BAG2: variants seen among roughly 807,000 people sequenced by gnomAD.
BAG2 encodes the protein BAG cochaperone 2, also known as BAG family molecular chaperone regulator 2.
BAG2 carries 8 observed loss-of-function variants against 16.4 expected under a neutral mutation model. That is an observed-to-expected ratio of 0.49 (90% confidence interval 0.29 to 0.88). The LOEUF (loss-of-function observed/expected upper bound fraction) is 0.88, where lower values mean the gene tolerates loss of function less well. BAG2 is among the 40% of genes least tolerant of loss of function. The probability of loss-of-function intolerance (pLI) is 0.09; values close to 1 mark genes in which losing one functional copy is unlikely to be tolerated. For missense variants in BAG2, 218 were observed against 248.9 expected (o/e 0.88, Z 0.84); for synonymous variants, 82 against 89.2 (o/e 0.92, Z 0.46).
chr6:57,184,985 G>A lies in BAG2; in HGVS notation c.*795G>A, dbSNP rs1764582896. 1 of 151,912 alleles carries A rather than the reference G, an allele frequency of 6.6e-6. No homozygotes were observed. The highest frequency in any genetic ancestry group is 1.5e-5 in the Non-Finnish European group (1 of 67,982). 9.4% of individuals were successfully genotyped at this position (151,912 alleles called of 1,614,324 possible). ...TATCTTTATCCATTCCTCTTTTATG[G>A]ACATTTAGGTTGTTTCCAACTTGTT... On this transcript the variant is annotated 3_prime_UTR_variant, in exon 3 of 3. Transcript: ENST00000370693.
rs1764759400 is a variant in BAG2 at position 57,189,687 on chromosome 6, TA to T, written c.*5498del. 1 of 152,648 alleles carries T rather than the reference TA, an allele frequency of 6.6e-6. No homozygotes were observed. Among genetic ancestry groups the T allele is most frequent in the Admixed American group, 6.5e-5 (1 of 15,272 alleles). The allele number at this position is 152,648 out of a possible 1,614,324, so 9.5% of individuals were successfully genotyped here. A position where few individuals can be genotyped will look rare whatever the true frequency, so the allele number is the denominator to read the frequency against. ...AAAACTGCTTACTGCTTTTAAAAGA[TA>T]TAATAAACAATATAAATTCTGATAG... On this transcript the variant is annotated 3_prime_UTR_variant, in exon 3 of 3. Coordinates refer to ENST00000370693, the MANE Select transcript of BAG2 (RefSeq NM_004282.4).
intron 1 of BAG2, 150 bp from the exon 2 acceptor site, chr6:57,181,882 G>C (rs1052708447): frequency 3.1e-6 from 2 of 639,398 alleles, no homozygotes; most frequent in Non-Finnish European, 5.3e-6. Context: ...CAAGTGTATA[G>C]AAAAATGAAA....
At position 57,186,678 on chromosome 6, in the gene BAG2, T is replaced by C. The variant is rs562491626; in HGVS notation, c.*2488T>C. The C allele has an allele frequency of 1.3e-5, 2 of 152,320 alleles. No individual in the cohort carries two copies. Among genetic ancestry groups the C allele is most frequent in the African/African-American group, 4.8e-5 (2 of 41,578 alleles). The allele number at this position is 152,320 out of a possible 1,614,324, so 9.4% of individuals were successfully genotyped here. On this transcript the variant is annotated 3_prime_UTR_variant, in exon 3 of 3. Transcript: ENST00000370693. ...AATGGGAGTATAATTTATTTTCAAA[T>C]GATGATGAATCTCCTGAGTCACATT...
At chr6:57,173,641 A>G (rs914352536) in intron 1 of BAG2, 2 of 551,546 alleles carry the variant, frequency 3.6e-6, no homozygotes, top group African/African-American at 4.1e-5. Context: ...TTAACGGTGT[A>G]TTGAAAAGTT....
At chr6:57,176,246 T>G (rs1236502288) in intron 1 of BAG2, among the ~76,000 whole-genome samples, 1 of 152,168 alleles carries the variant, frequency 6.6e-6, no homozygotes, top group Non-Finnish European at 1.5e-5. Context: ...CTTAGAAGCT[T>G]AAATGACTTG....
Position 57,185,261 on chromosome 6 carries a change from TA to T in BAG2, c.*1076del, listed in dbSNP as rs1764589709. ...AATACCTAGTTTGCATTTTGTTTAC[TA>T]AAAAGGTTGACCAGTGTGTTGATTC... On this transcript the variant is annotated 3_prime_UTR_variant, in exon 3 of 3. Transcript: ENST00000370693. 1 of 152,234 alleles carries T rather than the reference TA, an allele frequency of 6.6e-6. No homozygotes were observed. Among genetic ancestry groups the T allele is most frequent in the Admixed American group, 6.5e-5 (1 of 15,280 alleles). 9.4% of individuals were successfully genotyped at this position (152,234 alleles called of 1,614,324 possible).
At chr6:57,178,186 CA>C (rs1377389833) in intron 1 of BAG2, among the ~76,000 whole-genome samples, 1 of 152,170 alleles carries the variant, frequency 6.6e-6, no homozygotes, top group Non-Finnish European at 1.5e-5. Context: ...GATGGTCCAA[CA>C]TTTCTCTAAC....
Position 57,189,652 on chromosome 6 carries a change from C to A in BAG2, c.*5462C>A, listed in dbSNP as rs1764757486. ...TTCCTATACTCCTCTTTTATCTACG[C>A]TGTCAGATGAAAACTGCTTACTGCT... On this transcript the variant is annotated 3_prime_UTR_variant, in exon 3 of 3. Coordinates refer to ENST00000370693, the MANE Select transcript of BAG2 (RefSeq NM_004282.4). 6.6e-6 allele frequency: 1 copy of A among 152,564 alleles called. No homozygotes were observed. The highest frequency in any genetic ancestry group is 1.5e-5 in the Non-Finnish European group (1 of 68,050). The allele number at this position is 152,564 out of a possible 1,614,324, so 9.5% of individuals were successfully genotyped here.
At chr6:57,172,901 G>A in intron 1 of BAG2, 91 bp downstream of exon 1, 5 of 1,120,282 alleles carry the variant, frequency 4.5e-6, no homozygotes, top group East Asian at 3.2e-5. Flanking sequence ...GTGGCGGGCC[G>A]GGGCCTGGGG....
Position 57,186,049 on chromosome 6 carries a change from C to T in BAG2, c.*1859C>T, listed in dbSNP as rs566327257. 1 of 152,248 alleles carries T rather than the reference C, an allele frequency of 6.6e-6. No individual in the cohort carries two copies. Among genetic ancestry groups the T allele is most frequent in the East Asian group, 1.9e-4 (1 of 5,172 alleles). The allele number at this position is 152,248 out of a possible 1,614,324, so 9.4% of individuals were successfully genotyped here. A position where few individuals can be genotyped will look rare whatever the true frequency, so the allele number is the denominator to read the frequency against. ...GCTTGGGGTCCCTGGTTTACAGTGTCTCCAGCATTCTGTACCTAGAGCCAC... is the reference window on the plus strand; with the variant it reads ...GCTTGGGGTCCCTGGTTTACAGTGTTTCCAGCATTCTGTACCTAGAGCCAC... On this transcript the variant is annotated 3_prime_UTR_variant, in exon 3 of 3. Coordinates refer to ENST00000370693, the MANE Select transcript of BAG2 (RefSeq NM_004282.4).
At chr6:57,174,029 G>C (rs564351587) in intron 1 of BAG2, 1 of 206,530 alleles carries the variant, frequency 4.8e-6, no homozygotes, top group South Asian at 1.2e-4. Flanking sequence ...CCTACACCAG[G>C]TTCTGGGGTT....
chr6:57,180,900 T>C (rs1764419995), intron 1 of BAG2, among the ~76,000 whole-genome samples: 1 of 152,124 alleles, frequency 6.6e-6, no homozygotes, highest in African/African-American at 2.4e-5. Context: ...CTCTTGAGTA[T>C]ACAAATCAAC....
intron 1 of BAG2, among the ~76,000 whole-genome samples, chr6:57,175,827 ATAAG>A (rs1037650045): frequency 2.6e-5 from 4 of 152,188 alleles, no homozygotes; most frequent in Non-Finnish European, 4.4e-5. Flanking sequence ...ATCCGTAAAT[ATAAG>A]TAAGTGTTTC....
chr6:57,175,742 T>G (rs1379424285), intron 1 of BAG2, among the ~76,000 whole-genome samples: 1 of 152,186 alleles, frequency 6.6e-6, no homozygotes, highest in East Asian at 1.9e-4. Context: ...TCCTGGAAGG[T>G]GGTGTGCCCC....
intron 1 of BAG2, among the ~76,000 whole-genome samples, chr6:57,180,997 G>A (rs1764424062): frequency 6.6e-6 from 1 of 152,210 alleles, no homozygotes; most frequent in Non-Finnish European, 1.5e-5. Flanking sequence ...AGAGATGTCT[G>A]AAATTATTAG....
At position 57,184,217 on chromosome 6, in the gene BAG2, A is replaced by G. The variant is rs1764556458; in HGVS notation, c.*27A>G. The G allele has an allele frequency of 4.1e-6, 6 of 1,480,364 alleles. No individual in the cohort carries two copies. The highest frequency in any genetic ancestry group is 4.5e-6 in the Non-Finnish European group (5 of 1,119,642). 91.7% of individuals were successfully genotyped at this position (1,480,364 alleles called of 1,614,324 possible). A position where few individuals can be genotyped will look rare whatever the true frequency, so the allele number is the denominator to read the frequency against. ...CTTCAAACCTAAGAGCATTTACACA[A>G]TACACAAGGTGTAAAAATGATAAAA... On this transcript the variant is annotated 3_prime_UTR_variant, in exon 3 of 3. Coordinates refer to ENST00000370693, the MANE Select transcript of BAG2 (RefSeq NM_004282.4).
In BAG2 at chr6:57,187,709, A is replaced by G. The variant is rs1764655405; in HGVS notation, c.*3519A>G. 1 of 152,162 alleles carries G rather than the reference A, an allele frequency of 6.6e-6. No individual in the cohort carries two copies. Among genetic ancestry groups the G allele is most frequent in the Non-Finnish European group, 1.5e-5 (1 of 68,014 alleles). 9.4% of individuals were successfully genotyped at this position (152,162 alleles called of 1,614,324 possible). Reference sequence around the variant, plus strand: ...ATTCTAAGGTCTTCAGAAAAGGTCCAGTTTCCTAAAACTCACAGGTCCAAG... The same window carrying G: ...ATTCTAAGGTCTTCAGAAAAGGTCCGGTTTCCTAAAACTCACAGGTCCAAG... On this transcript the variant is annotated 3_prime_UTR_variant, in exon 3 of 3. Coordinates refer to ENST00000370693, the MANE Select transcript of BAG2 (RefSeq NM_004282.4).
intron 2 of BAG2, 134 bp downstream of exon 2, chr6:57,182,275 G>GCAGCTGCTGCTGTAATGAACTGA: frequency 1.7e-6 from 1 of 591,858 alleles, no homozygotes; most frequent in Non-Finnish European, 2.9e-6. Context: ...GCCACAGAGA[G>GCAGCTGCTGCTGTAATGAACTGA]CAGCTGCAGC....
chr6:57,179,939 A>G (rs1219476034), intron 1 of BAG2, among the ~76,000 whole-genome samples: 1 of 151,654 alleles, frequency 6.6e-6, no homozygotes, highest in East Asian at 1.9e-4. Flanking sequence ...TGTTTAATAC[A>G]GTACTGAAGG....
Sources: gnomAD v4.1 joint callset for allele counts (sites outside exome capture counted in the v4.1 genomes callset) on GRCh38, gnomAD v4.1.1 for gene constraint, MANE v1.5 for transcripts, NCBI Gene and HGNC (gene_info 2026-07-23, HGNC 2026-07-21) for gene names.